COQ8A: variants seen among roughly 807,000 people sequenced by gnomAD.
COQ8A encodes the protein atypical kinase COQ8A, mitochondrial.
COQ8A carries 51 observed loss-of-function variants against 65.0 expected under a neutral mutation model. That is an observed-to-expected ratio of 0.78 (90% CI 0.63 to 0.99). COQ8A has a LOEUF of 0.99. COQ8A is among the 50% of genes least tolerant of loss of function. COQ8A has a pLI of 0.00. For synonymous variants in COQ8A, 371 were observed against 353.2 expected (o/e 1.05, Z -0.57); for missense variants, 940 against 875.0 (o/e 1.07, Z -0.94).
chr1:226,964,008 C>T (rs1658408446), intron 2 of COQ8A, among the ~76,000 whole-genome samples: 1 of 152,190 alleles, frequency 6.6e-6, no homozygotes, highest in African/African-American at 2.4e-5. Flanking sequence ...CCTTCACCAG[C>T]ACATCAGCCG....
At chr1:226,982,534 C>T (rs774120148) in intron 6 of COQ8A, 144 bp from the exon 7 acceptor site, 24 of 906,308 alleles carry the variant, frequency 2.6e-5, no homozygotes, top group African/African-American at 3.3e-5. Flanking sequence ...GGCGTGTGTG[C>T]GAGGGCTCCT....
chr1:226,962,763 A>T (rs1207340193), intron 2 of COQ8A, among the ~76,000 whole-genome samples: 1 of 152,180 alleles, frequency 6.6e-6, no homozygotes, highest in Non-Finnish European at 1.5e-5. Flanking sequence ...CCTGCCTTTA[A>T]TGTTCAGAAG....
intron 4 of COQ8A, among the ~76,000 whole-genome samples, chr1:226,971,010 G>A (rs1273964317): frequency 6.6e-6 from 1 of 151,886 alleles, no homozygotes; most frequent in South Asian, 2.1e-4. Context: ...GCGTGATCTC[G>A]ACTCACTGCA....
intron 1 of COQ8A, among the ~76,000 whole-genome samples, chr1:226,945,936 G>A (rs1657014424): frequency 6.6e-6 from 1 of 152,194 alleles, no homozygotes; most frequent in Non-Finnish European, 1.5e-5. Context: ...TGAACAGGGT[G>A]CTGCTGCCAT....
rs759037927 is a variant in COQ8A at position 226,987,481 on chromosome 1, C to CAA, written c.*745_*746dup. The stretch of plus-strand genomic sequence containing the variant: ...CTCACAGGCGCTGTGAATTTTTGTA[C>CAA]AAGTCTTGTAATTATCGAATCAACA... On this transcript the variant is annotated 3_prime_UTR_variant, in exon 15 of 15. Transcript: ENST00000366777. 5 of 152,314 alleles carry CAA rather than the reference C, an allele frequency of 3.3e-5. No homozygotes were observed. Among genetic ancestry groups the CAA allele is most frequent in the African/African-American group, 9.6e-5 (4 of 41,462 alleles). 9.4% of individuals were successfully genotyped at this position (152,314 alleles called of 1,614,324 possible). A position where few individuals can be genotyped will look rare whatever the true frequency, so the allele number is the denominator to read the frequency against.
intron 10 of COQ8A, 72 bp downstream of exon 10, chr1:226,983,926 G>A (rs1659889394): frequency 1.3e-6 from 2 of 1,567,530 alleles, no homozygotes; most frequent in African/African-American, 1.4e-5. Flanking sequence ...AGCAGCTGGT[G>A]AAGGCCCCTC....
chr1:226,965,419 G>A lies in COQ8A; in HGVS notation c.588+9G>A. ...AGCAGCACAAACAGACGGTGCGTAT[G>A]GGAGGCCCCTGGAGGGCCGAGGTAG... On this transcript the variant is annotated intron_variant, in intron 3 of 14. Transcript: ENST00000366777. 2.5e-6 allele frequency: 4 copies of A among 1,605,936 alleles called. No individual in the cohort carries two copies. The highest frequency in any genetic ancestry group is 3.4e-6 in the Non-Finnish European group (4 of 1,177,598).
intron 4 of COQ8A, among the ~76,000 whole-genome samples, chr1:226,974,592 G>T (rs1659083372): frequency 6.6e-6 from 1 of 152,222 alleles, no homozygotes; most frequent in African/African-American, 2.4e-5. Context: ...AGGCTGGCCT[G>T]GGTTCCTGAG....
chr1:226,980,631 T>C (rs75568667), intron 5 of COQ8A, among the ~76,000 whole-genome samples: 1 of 152,188 alleles, frequency 6.6e-6, no homozygotes, highest in Non-Finnish European at 1.5e-5. Flanking sequence ...CCCAGCCCTC[T>C]TGGACTCGCT....
rs111162992 is a variant in COQ8A, at chr1:226,978,115, C to T, written c.730+592C>T. On this transcript the variant is annotated intron_variant, in intron 5 of 14. Coordinates refer to ENST00000366777, the MANE Select transcript of COQ8A (RefSeq NM_020247.5). The stretch of plus-strand genomic sequence containing the variant: ...CCGAACACCCGCACACGTCACACAC[C>T]CCCTGCACACCCACCAAACACCCAC... Among the ~76,000 whole-genome samples the T allele has an allele frequency of 4.0e-3, 604 of 149,922 alleles. 1 individual carries two copies. The highest frequency in any genetic ancestry group is 6.7e-3 in the Non-Finnish European group (449 of 67,466).
chr1:226,955,109 T>C (rs1347019846), intron 1 of COQ8A, among the ~76,000 whole-genome samples: 1 of 151,820 alleles, frequency 6.6e-6, no homozygotes, highest in Non-Finnish European at 1.5e-5. Context: ...CATCACCCAG[T>C]GGGAATATCA....
chr1:226,984,026 G>GGTGT lies in COQ8A; in HGVS notation c.1257-62_1257-59dup, dbSNP rs1161883157. On this transcript the variant is annotated intron_variant, in intron 10 of 14. Transcript: ENST00000366777. ...AGGAGGGCCCTCTGCCTGGTTGGGG[G>GGTGT]GTGTGTGTGGGGGGGGGGACGGTGT... 54 of 1,537,534 alleles carry GGTGT rather than the reference G, an allele frequency of 3.5e-5. No individual in the cohort carries two copies. In the Admixed American group the frequency reaches 8.6e-4, roughly 24 times the overall value.
chr1:226,983,436 G>A (rs563451189), intron 8 of COQ8A, 116 bp from the exon 9 acceptor site: 54 of 960,364 alleles, frequency 5.6e-5, no homozygotes, highest in African/African-American at 8.1e-5. Flanking sequence ...GTTCTCCAGG[G>A]TGTGGGCTGG....
At chr1:226,964,190 C>T (rs1366255025) in intron 2 of COQ8A, among the ~76,000 whole-genome samples, 1 of 152,228 alleles carries the variant, frequency 6.6e-6, no homozygotes, top group African/African-American at 2.4e-5. Flanking sequence ...CCACTGGTCT[C>T]CCTCTAGAAG....
At chr1:226,942,978 G>A (rs1259474057) in intron 1 of COQ8A, among the ~76,000 whole-genome samples, 1 of 152,114 alleles carries the variant, frequency 6.6e-6, no homozygotes, top group East Asian at 1.9e-4. Flanking sequence ...TCTTGCACAG[G>A]GCAAGGAAAA....
intron 2 of COQ8A, among the ~76,000 whole-genome samples, chr1:226,963,708 G>A (rs1242012842): frequency 2.0e-5 from 3 of 152,156 alleles, no homozygotes; most frequent in Admixed American, 1.3e-4. Context: ...AGGTTCAAGC[G>A]ATTCTCCTGC....
Position 226,972,669 on chromosome 1 carries a change from C to G in COQ8A, c.656-4780C>G, listed in dbSNP as rs1250532828. On this transcript the variant is annotated intron_variant, in intron 4 of 14. Coordinates refer to ENST00000366777, the MANE Select transcript of COQ8A (RefSeq NM_020247.5). The surrounding 1 kb of genome is among the most constrained non-coding windows in gnomAD (Gnocchi z 4.3). ...GTTAATACACCAGCAGCAAAGCTCT[C>G]TCTGGGACCATTGTGCCCCATCCCC... Among the ~76,000 whole-genome samples, 1 of 152,176 alleles carries G rather than the reference C, an allele frequency of 6.6e-6. No individual in the cohort carries two copies. Among genetic ancestry groups the G allele is most frequent in the East Asian group, 1.9e-4 (1 of 5,202 alleles).
At chr1:226,950,220 C>T (rs1657292443) in intron 1 of COQ8A, among the ~76,000 whole-genome samples, 1 of 152,176 alleles carries the variant, frequency 6.6e-6, no homozygotes, top group Non-Finnish European at 1.5e-5. Flanking sequence ...GGGTCCTTCT[C>T]TGGACTATCA....
At chr1:226,964,845 G>A (rs149681027) in intron 2 of COQ8A, among the ~76,000 whole-genome samples, 155 bp from the exon 3 acceptor site, 450 of 152,324 alleles carry the variant, frequency 3.0e-3, no homozygotes, top group Non-Finnish European at 4.7e-3. Context: ...CCCAGGCTGG[G>A]AAGGGTGCCG....
Sources: allele counts gnomAD v4.1 joint callset (sites outside exome capture counted in the v4.1 genomes callset), GRCh38; gene constraint gnomAD v4.1.1; non-coding constraint Gnocchi (gnomAD v3.1); transcripts MANE v1.5; gene names NCBI Gene and HGNC (gene_info 2026-07-23, HGNC 2026-07-21).